SDK1: variants seen among roughly 807,000 people sequenced by gnomAD.
SDK1 encodes protein sidekick-1.
Under a neutral mutation model 245.5 loss-of-function variants are expected in SDK1, and 157 were observed. The observed-to-expected ratio is 0.64, with a 90% CI of 0.56 to 0.73. The LOEUF is 0.73. SDK1 is among the 30% of genes least tolerant of loss of function. The pLI is 0.00. For synonymous variants in SDK1, 1,647 were observed against 1,278.5 expected (o/e 1.29, Z -6.15); for missense variants, 3,583 against 3,002.3 (o/e 1.19, Z -4.52).
chr7:3,542,123 C>A (rs1259358972), intron 1 of SDK1, among the ~76,000 whole-genome samples: 3 of 152,130 alleles, frequency 2.0e-5, no homozygotes, highest in African/African-American at 7.2e-5. Context: ...GTCGATAAGT[C>A]ATCAGCGGCA....
At chr7:3,393,070 A>T (rs1781802271) in intron 1 of SDK1, among the ~76,000 whole-genome samples, 1 of 141,020 alleles carries the variant, frequency 7.1e-6, no homozygotes, top group African/African-American at 2.6e-5. Flanking sequence ...TCCTAGGTTC[A>T]AGCGATTGTC....
At chr7:3,730,040 A>G (rs900161581) in intron 4 of SDK1, among the ~76,000 whole-genome samples, 1 of 152,136 alleles carries the variant, frequency 6.6e-6, no homozygotes, top group Non-Finnish European at 1.5e-5. Context: ...TTCATTATTC[A>G]TTCTACAGAT....
chr7:4,246,726 C>G (rs1786887125), intron 44 of SDK1, among the ~76,000 whole-genome samples: 2 of 152,222 alleles, frequency 1.3e-5, no homozygotes, highest in South Asian at 4.1e-4. Flanking sequence ...CTCTCCTCAC[C>G]AAGCAGCTGG....
chr7:3,585,469 G>A (rs894015984), intron 1 of SDK1, among the ~76,000 whole-genome samples: 4 of 152,218 alleles, frequency 2.6e-5, no homozygotes, highest in South Asian at 2.1e-4. Flanking sequence ...ACAACATTAA[G>A]CATGGAAAGA....
chr7:4,124,959 A>G (rs1784286421), intron 25 of SDK1, among the ~76,000 whole-genome samples: 1 of 145,738 alleles, frequency 6.9e-6, no homozygotes, highest in African/African-American at 2.6e-5. Context: ...TGGATGGGTG[A>G]TGGGTGGATG....
At chr7:3,809,321 A>G (rs1346627412) in intron 4 of SDK1, among the ~76,000 whole-genome samples, 1 of 152,140 alleles carries the variant, frequency 6.6e-6, no homozygotes, top group African/African-American at 2.4e-5. Flanking sequence ...ATCCACCCTC[A>G]AGACTCTGAT....
intron 1 of SDK1, among the ~76,000 whole-genome samples, chr7:3,335,819 G>C (rs142111129): frequency 6.6e-6 from 1 of 152,126 alleles, no homozygotes; most frequent in Non-Finnish European, 1.5e-5. Context: ...ATGGGCCAGA[G>C]ATTTACTGTC....
intron 1 of SDK1, among the ~76,000 whole-genome samples, chr7:3,534,714 TAGTG>T (rs1239296045): frequency 1.3e-5 from 2 of 152,308 alleles, no homozygotes; most frequent in Non-Finnish European, 2.9e-5. Flanking sequence ...CTTAGGTAGA[TAGTG>T]AGGGTATGGA....
intron 2 of SDK1, among the ~76,000 whole-genome samples, chr7:3,636,440 C>T (rs1356684354): frequency 6.6e-6 from 1 of 152,166 alleles, no homozygotes; most frequent in Non-Finnish European, 1.5e-5. Flanking sequence ...TTACATTCCT[C>T]TTATAAGTGG....
rs377610907 is a variant in SDK1 at position 3,958,912 on chromosome 7, T to C, written c.1151-19T>C. Reference sequence around the variant, plus strand: ...TCCTTCTTTGGCTTAGGGGCTTTTTTTTATTTTCTTGTTTGAAGAGCCACC... The same window carrying C: ...TCCTTCTTTGGCTTAGGGGCTTTTTCTTATTTTCTTGTTTGAAGAGCCACC... On this transcript the variant is annotated intron_variant, in intron 7 of 44. Coordinates refer to ENST00000404826, the MANE Select transcript of SDK1 (RefSeq NM_152744.4). 17 of 1,605,694 alleles carry C rather than the reference T, an allele frequency of 1.1e-5. No homozygotes were observed. The African/African-American group carries it at 1.5e-4, about 14-fold the overall frequency.
At chr7:4,062,598 C>A (rs1197204611) in intron 19 of SDK1, among the ~76,000 whole-genome samples, 1 of 152,180 alleles carries the variant, frequency 6.6e-6, no homozygotes, top group Non-Finnish European at 1.5e-5. Context: ...TTCTTTCTAA[C>A]TCATTTTATG....
At chr7:3,532,339 C>G (rs1170322146) in intron 1 of SDK1, among the ~76,000 whole-genome samples, 1 of 151,978 alleles carries the variant, frequency 6.6e-6, no homozygotes, top group Non-Finnish European at 1.5e-5. Flanking sequence ...TAATGTTGGT[C>G]TTTTTTATTA....
intron 1 of SDK1, among the ~76,000 whole-genome samples, chr7:3,414,900 G>C (rs117081986): frequency 1.3e-5 from 2 of 152,146 alleles, no homozygotes; most frequent in Non-Finnish European, 2.9e-5. Context: ...TGTAGCATGT[G>C]TCAGATCTCC....
chr7:4,209,494 C>G (rs909341893), intron 37 of SDK1, among the ~76,000 whole-genome samples: 1 of 152,206 alleles, frequency 6.6e-6, no homozygotes, highest in East Asian at 1.9e-4. Flanking sequence ...GATATTTCCA[C>G]CAGCTCCCTC....
intron 4 of SDK1, among the ~76,000 whole-genome samples, chr7:3,791,853 G>C (rs920874495): frequency 6.6e-6 from 1 of 152,148 alleles, no homozygotes; most frequent in African/African-American, 2.4e-5. Context: ...GTCAGGCATG[G>C]TGGCTCATGC....
intron 4 of SDK1, among the ~76,000 whole-genome samples, chr7:3,696,572 TTGTGTGTG>T (rs71552319): frequency 8.8e-5 from 13 of 148,006 alleles, no homozygotes; most frequent in East Asian, 2.0e-4. Flanking sequence ...TTCTCTGTGT[TTGTGTGTG>T]TGTGTGTGTG....
rs1369559255 is a variant in SDK1, at chr7:3,413,430, C to G, written c.298+111546C>G. Among the ~76,000 whole-genome samples, 3 of 152,264 alleles carry G rather than the reference C, an allele frequency of 2.0e-5. 1 individual carries two copies. Among genetic ancestry groups the G allele is most frequent in the African/African-American group, 7.2e-5 (3 of 41,524 alleles). Reference sequence around the variant, plus strand: ...TAACTTGGAGCCAGGTGCAGTGGCTCACATCTGTAATCCCAGCACTTTGGG... The same window carrying G: ...TAACTTGGAGCCAGGTGCAGTGGCTGACATCTGTAATCCCAGCACTTTGGG... On this transcript the variant is annotated intron_variant, in intron 1 of 44. Transcript: ENST00000404826.
chr7:3,671,802 A>G (rs1398163352), intron 4 of SDK1, among the ~76,000 whole-genome samples: 1 of 152,268 alleles, frequency 6.6e-6, no homozygotes, highest in Non-Finnish European at 1.5e-5. Flanking sequence ...AAGTGAAATT[A>G]TAACGCCAGT....
intron 5 of SDK1, among the ~76,000 whole-genome samples, chr7:3,873,754 C>T: frequency 6.6e-6 from 1 of 152,218 alleles, no homozygotes; most frequent in East Asian, 1.9e-4. Flanking sequence ...AATCTAAATA[C>T]TGTTTTTCTG....
Sources: gnomAD v4.1 joint callset for allele counts (sites outside exome capture counted in the v4.1 genomes callset) on GRCh38, gnomAD v4.1.1 for gene constraint, MANE v1.5 for transcripts, NCBI Gene and HGNC (gene_info 2026-07-23, HGNC 2026-07-21) for gene names.